GRM8: variants seen among roughly 807,000 people sequenced by gnomAD.
GRM8 encodes the protein metabotropic glutamate receptor 8.
A neutral mutation model predicts 87.2 loss-of-function variants in GRM8; 47 were observed. The ratio of observed to expected loss-of-function variants is 0.54; its 90% CI spans 0.43 to 0.69. The LOEUF (loss-of-function observed/expected upper bound fraction) is 0.69, where lower values mean the gene tolerates loss of function less well. Among genes scored for constraint, GRM8 ranks in the 30% least tolerant of loss-of-function variants. The pLI is 0.00. For missense variants in GRM8, 1,019 were observed against 1,139.2 expected (o/e 0.89, Z 1.52); for synonymous variants, 396 against 404.5 (o/e 0.98, Z 0.25).
intron 3 of GRM8, among the ~76,000 whole-genome samples, chr7:127,049,724 A>G (rs940739138): frequency 6.6e-6 from 1 of 152,152 alleles, no homozygotes; most frequent in African/African-American, 2.4e-5. Context: ...GAGCAAAGCC[A>G]GGCCAGCATG....
chr7:126,811,874 T>C (rs1793328528), intron 6 of GRM8, among the ~76,000 whole-genome samples: 1 of 152,040 alleles, frequency 6.6e-6, no homozygotes, highest in African/African-American at 2.4e-5. Flanking sequence ...CTAATTGCTG[T>C]GGCTAGGACC....
At chr7:127,163,539 C>T (rs1793253191) in intron 2 of GRM8, among the ~76,000 whole-genome samples, 1 of 152,108 alleles carries the variant, frequency 6.6e-6, no homozygotes. Flanking sequence ...TCCCTTAATT[C>T]CTTTTATAAA....
chr7:127,136,567 A>G (rs1262881544), intron 2 of GRM8, among the ~76,000 whole-genome samples: 1 of 151,996 alleles, frequency 6.6e-6, no homozygotes, highest in East Asian at 1.9e-4. Context: ...CACTGAAGGG[A>G]TATATTTTTT....
At chr7:127,137,267 T>C (rs1238930516) in intron 2 of GRM8, among the ~76,000 whole-genome samples, 10 of 151,956 alleles carry the variant, frequency 6.6e-5, no homozygotes, top group Admixed American at 6.6e-4. Context: ...ATTAGCACAA[T>C]GCCAGAGAGT....
intron 2 of GRM8, among the ~76,000 whole-genome samples, chr7:127,122,361 A>G (rs1827136158): frequency 6.6e-6 from 1 of 152,138 alleles, no homozygotes; most frequent in South Asian, 2.1e-4. Flanking sequence ...TAGATATATG[A>G]AGACATTTAT....
intron 9 of GRM8, among the ~76,000 whole-genome samples, chr7:126,510,254 G>C (rs1811130929): frequency 6.7e-6 from 1 of 149,822 alleles, no homozygotes; most frequent in Non-Finnish European, 1.5e-5. Flanking sequence ...ACTATCCATG[G>C]CTCAGCAGAA....
At chr7:126,643,327 T>C (rs1321141846) in intron 7 of GRM8, among the ~76,000 whole-genome samples, 1 of 20,996 alleles carries the variant, frequency 4.8e-5, no homozygotes, top group African/African-American at 2.5e-4. Flanking sequence ...AAAATATATA[T>C]ATATATATAT....
chr7:127,228,674 CTATT>C (rs1012383717), intron 2 of GRM8: 1 of 151,852 alleles, frequency 6.6e-6, no homozygotes, highest in African/African-American at 2.4e-5. Flanking sequence ...AAAAAAAAAA[CTATT>C]TAGTGCCAAG....
intron 7 of GRM8, among the ~76,000 whole-genome samples, chr7:126,752,169 G>A (rs1307700239): frequency 6.6e-6 from 1 of 152,056 alleles, no homozygotes; most frequent in African/African-American, 2.4e-5. Context: ...AGTGGCATGT[G>A]CCTGTATTCT....
Position 127,252,861 on chromosome 7 carries a change from G to A in GRM8, c.-376C>T. 4.6e-6 allele frequency: 1 copy of A among 216,796 alleles called. No individual in the cohort carries two copies. Among genetic ancestry groups the A allele is most frequent in the Non-Finnish European group, 8.8e-6 (1 of 113,266 alleles). 13.4% of individuals were successfully genotyped at this position (216,796 alleles called of 1,614,324 possible). A position where few individuals can be genotyped will look rare whatever the true frequency, so the allele number is the denominator to read the frequency against. On this transcript the variant is annotated 5_prime_UTR_variant, in exon 1 of 11. Coordinates refer to ENST00000339582, the MANE Select transcript of GRM8 (RefSeq NM_000845.3). The surrounding 1 kb of genome is among the most constrained non-coding windows in gnomAD (Gnocchi z 4.9). ...GGGCCCGCAGCTCCATGTCAGCGCC[G>A]CCGCCGCCGCCGCCGCCGCCGCGTG...
chr7:127,188,958 T>G (rs900768091), intron 2 of GRM8, among the ~76,000 whole-genome samples: 2 of 152,212 alleles, frequency 1.3e-5, no homozygotes, highest in African/African-American at 4.8e-5. Context: ...GAAAGGAACT[T>G]TTATTTTCTC....
intron 3 of GRM8, among the ~76,000 whole-genome samples, chr7:126,934,231 G>A (rs545960995): frequency 8.5e-5 from 13 of 152,226 alleles, no homozygotes; most frequent in African/African-American, 2.9e-4. Flanking sequence ...CAAAAAAATG[G>A]TTTATTCCTC....
intron 6 of GRM8, among the ~76,000 whole-genome samples, chr7:126,835,838 C>T (rs767605245): frequency 6.6e-5 from 10 of 152,068 alleles, no homozygotes; most frequent in Non-Finnish European, 1.2e-4. Flanking sequence ...CAAACAACTT[C>T]AAAGTGAGTA....
At chr7:126,950,001 C>T (rs576682242) in intron 3 of GRM8, among the ~76,000 whole-genome samples, 1 of 152,314 alleles carries the variant, frequency 6.6e-6, no homozygotes, top group African/African-American at 2.4e-5. Context: ...AATTCCCTCA[C>T]TTTGCAGTAC....
chr7:126,748,668 A>C (rs1816014939), intron 7 of GRM8, among the ~76,000 whole-genome samples: 1 of 151,012 alleles, frequency 6.6e-6, no homozygotes, highest in South Asian at 2.1e-4. Context: ...ATAGATGCAA[A>C]AGGCATAGAA....
chr7:127,209,898 G>C (rs1273459659), intron 2 of GRM8, among the ~76,000 whole-genome samples: 1 of 151,936 alleles, frequency 6.6e-6, no homozygotes, highest in African/African-American at 2.4e-5. Context: ...CCGACCCCAT[G>C]GCTCAATGAG....
At chr7:126,824,389 T>C (rs1244194312) in intron 6 of GRM8, among the ~76,000 whole-genome samples, 1 of 152,184 alleles carries the variant, frequency 6.6e-6, no homozygotes, top group Non-Finnish European at 1.5e-5. Flanking sequence ...AACCAATAAA[T>C]AAAATGTACT....
At position 126,788,409 on chromosome 7, in the gene GRM8, C is replaced by CAAAA. The variant is rs67131936; in HGVS notation, c.1157-18348_1157-18345dup. Among the ~76,000 whole-genome samples, 38 of 10,794 alleles carry CAAAA rather than the reference C, an allele frequency of 3.5e-3. 6 individuals carry two copies. The highest frequency in any genetic ancestry group is 4.9e-3 in the Non-Finnish European group (25 of 5,074). The allele number at this position is 10,794 out of a possible 152,430, so 7.1% of individuals were successfully genotyped here. ...TGGGTATCAGAGCAAGACTCCATCT[C>CAAAA]AAAAAAAAAAAAAACCCTTTCAGAT... On this transcript the variant is annotated intron_variant, in intron 6 of 10. Transcript: ENST00000339582.
At chr7:127,101,571 G>A (rs1321871732) in intron 3 of GRM8, among the ~76,000 whole-genome samples, 1 of 152,158 alleles carries the variant, frequency 6.6e-6, no homozygotes, top group African/African-American at 2.4e-5. Context: ...TCACTATGTG[G>A]TGTGCTTGCT....
Sources: allele counts gnomAD v4.1 joint callset (sites outside exome capture counted in the v4.1 genomes callset), GRCh38; gene constraint gnomAD v4.1.1; non-coding constraint Gnocchi (gnomAD v3.1); transcripts MANE v1.5; gene names NCBI Gene and HGNC (gene_info 2026-07-23, HGNC 2026-07-21).